The following PPM1H variants were observed in gnomAD, a reference collection of about 807,000 sequenced individuals.
PPM1H encodes the protein protein phosphatase, Mg2+/Mn2+ dependent 1H.
Under a neutral mutation model 54.9 loss-of-function variants are expected in PPM1H, and 27 were observed. The ratio of observed to expected loss-of-function variants is 0.49; its 90% confidence interval spans 0.36 to 0.68. The LOEUF is 0.68. Ranked by LOEUF, PPM1H falls within the 30% of genes least tolerant of loss-of-function variation. The pLI, the probability that PPM1H is intolerant of heterozygous loss-of-function variation, is 0.00. For missense variants in PPM1H, 596 were observed against 667.8 expected (o/e 0.89, Z 1.19); for synonymous variants, 305 against 270.8 (o/e 1.13, Z -1.24).
chr12:62,858,078 A>C (rs1869457453), intron 1 of PPM1H, among the ~76,000 whole-genome samples: 1 of 149,556 alleles, frequency 6.7e-6, no homozygotes, highest in South Asian at 2.1e-4. Flanking sequence ...CACCACCACC[A>C]CCCCATCACC....
At chr12:62,774,426 C>T (rs557345703) in intron 4 of PPM1H, among the ~76,000 whole-genome samples, 16 of 152,164 alleles carry the variant, frequency 1.1e-4, no homozygotes, top group Admixed American at 4.6e-4. Flanking sequence ...ATTGCAGCCT[C>T]AGCCTCCTGG....
intron 4 of PPM1H, among the ~76,000 whole-genome samples, chr12:62,783,850 C>G (rs116379766): frequency 6.6e-6 from 1 of 152,086 alleles, no homozygotes; most frequent in Non-Finnish European, 1.5e-5. Context: ...GTTTAAAATA[C>G]GTGGTAATGG....
At chr12:62,684,584 C>T (rs930249085) in intron 8 of PPM1H, among the ~76,000 whole-genome samples, 6 of 152,150 alleles carry the variant, frequency 3.9e-5, no homozygotes, top group South Asian at 4.2e-4. Flanking sequence ...AAGATTTTTG[C>T]GCACTTTTTC....
At chr12:62,664,131 CTG>C (rs1280699174) in intron 9 of PPM1H, among the ~76,000 whole-genome samples, 3 of 152,190 alleles carry the variant, frequency 2.0e-5, no homozygotes, top group Non-Finnish European at 4.4e-5. Context: ...CTTTTCTTCT[CTG>C]TTTCCAGAAA....
At chr12:62,778,618 G>T (rs950143971) in intron 4 of PPM1H, among the ~76,000 whole-genome samples, 4 of 152,186 alleles carry the variant, frequency 2.6e-5, no homozygotes, top group African/African-American at 9.6e-5. Flanking sequence ...AGACAAAAAT[G>T]AAAATAGTCA....
chr12:62,843,814 G>A (rs1478287366), intron 1 of PPM1H, among the ~76,000 whole-genome samples: 1 of 152,186 alleles, frequency 6.6e-6, no homozygotes, highest in Non-Finnish European at 1.5e-5. Context: ...AACCTGCAGA[G>A]AAAGTGTGTT....
At chr12:62,911,903 G>T (rs7967481) in intron 1 of PPM1H, among the ~76,000 whole-genome samples, 40,133 of 152,008 alleles carry the variant, frequency 0.26, 5,779 homozygotes, top group African/African-American at 0.37. Flanking sequence ...ACCCCTTATC[G>T]CCTGATCCTT....
intron 1 of PPM1H, among the ~76,000 whole-genome samples, chr12:62,874,969 C>A (rs951087063): frequency 2.6e-5 from 4 of 152,214 alleles, no homozygotes; most frequent in Non-Finnish European, 5.9e-5. Flanking sequence ...AACTCACCAC[C>A]AAATTGCAAC....
At chr12:62,697,159 C>T (rs1380361913) in intron 6 of PPM1H, among the ~76,000 whole-genome samples, 1 of 146,162 alleles carries the variant, frequency 6.8e-6, no homozygotes, top group African/African-American at 2.7e-5. Context: ...CAGAGTCTCG[C>T]TCTGTTGACC....
chr12:62,908,422 A>AAAAAAAAAAAAG lies in PPM1H; in HGVS notation c.245+26069_245+26070insCTTTTTTTTTTT, dbSNP rs1284923713. On this transcript the variant is annotated intron_variant, in intron 1 of 9. Coordinates refer to ENST00000228705, the MANE Select transcript of PPM1H (RefSeq NM_020700.2). ...GACTCCGTCTCAAAAAAAAAAAAAA[A>AAAAAAAAAAAAG]AAAGAAAGAAAGAAAGAAATTGAGT... is the stretch of plus-strand genomic sequence containing the variant. Among the ~76,000 whole-genome samples, 61 of 134,166 alleles carry AAAAAAAAAAAAG rather than the reference A, an allele frequency of 4.5e-4. 1 individual carries two copies. Among genetic ancestry groups the AAAAAAAAAAAAG allele is most frequent in the Non-Finnish European group, 6.4e-4 (40 of 62,984 alleles). 88.0% of individuals were successfully genotyped at this position (134,166 alleles called of 152,430 possible). A position where few individuals can be genotyped will look rare whatever the true frequency, so the allele number is the denominator to read the frequency against.
chr12:62,879,463 G>T (rs1297666141), intron 1 of PPM1H, among the ~76,000 whole-genome samples: 1 of 151,990 alleles, frequency 6.6e-6, no homozygotes, highest in Non-Finnish European at 1.5e-5. Flanking sequence ...CCCTTTTTAG[G>T]GACACGGATG....
chr12:62,888,946 C>CA (rs1257926443), intron 1 of PPM1H, among the ~76,000 whole-genome samples: 4 of 152,074 alleles, frequency 2.6e-5, no homozygotes, highest in Admixed American at 1.3e-4. Flanking sequence ...TGTGGAACTT[C>CA]AAAAAGTTGC....
At chr12:62,744,617 T>C (rs746427155) in intron 4 of PPM1H, among the ~76,000 whole-genome samples, 6 of 152,236 alleles carry the variant, frequency 3.9e-5, no homozygotes, top group Non-Finnish European at 7.3e-5. Flanking sequence ...ATTCCATCTA[T>C]GTGAGGAGTC....
chr12:62,930,271 T>C (rs993401988), intron 1 of PPM1H, among the ~76,000 whole-genome samples: 2 of 152,202 alleles, frequency 1.3e-5, no homozygotes, highest in African/African-American at 4.8e-5. Context: ...TTATATGATA[T>C]ACATTTAACA....
chr12:62,902,073 AG>A (rs1332277169), intron 1 of PPM1H, among the ~76,000 whole-genome samples: 3 of 152,188 alleles, frequency 2.0e-5, no homozygotes, highest in Non-Finnish European at 4.4e-5. Flanking sequence ...TTAAAATAAA[AG>A]CTTTTTGGCC....
At chr12:62,897,015 T>C (rs1383546333) in intron 1 of PPM1H, among the ~76,000 whole-genome samples, 1 of 142,404 alleles carries the variant, frequency 7.0e-6, no homozygotes, top group East Asian at 2.1e-4. Context: ...AAACCAAGTA[T>C]CACATATTCT....
At chr12:62,755,757 C>CA (rs1391232303) in intron 4 of PPM1H, 4 of 911,904 alleles carry the variant, frequency 4.4e-6, no homozygotes, top group Non-Finnish European at 7.0e-6. Context: ...TGAATGACCA[C>CA]AGTCCATGCC....
intron 5 of PPM1H, among the ~76,000 whole-genome samples, chr12:62,733,679 G>T (rs12302279): frequency 0.014 from 2,166 of 152,214 alleles, 51 homozygotes; most frequent in African/African-American, 0.05. Context: ...TATGTTCTGA[G>T]TATTTAAACT....
At chr12:62,811,979 G>A (rs923656490) in intron 2 of PPM1H, among the ~76,000 whole-genome samples, 1 of 152,208 alleles carries the variant, frequency 6.6e-6, no homozygotes, top group Admixed American at 6.5e-5. Flanking sequence ...CAGTGAAACT[G>A]GGGTACAGAT....
Sources: gnomAD v4.1 joint callset for allele counts (sites outside exome capture counted in the v4.1 genomes callset) on GRCh38, gnomAD v4.1.1 for gene constraint, MANE v1.5 for transcripts, NCBI Gene and HGNC (gene_info 2026-07-23, HGNC 2026-07-21) for gene names.